The following PTPN7 variants were observed in gnomAD, a reference collection of about 807,000 sequenced individuals.
PTPN7 encodes the protein protein tyrosine phosphatase non-receptor type 7, also known as tyrosine-protein phosphatase non-receptor type 7.
PTPN7 carries 33 observed loss-of-function variants against 50.3 expected under a neutral mutation model. The observed-to-expected ratio is 0.66, with a 90% CI of 0.50 to 0.88. The LOEUF is 0.88. Among genes scored for constraint, PTPN7 ranks in the 40% least tolerant of loss-of-function variants. The pLI is 0.00. For synonymous variants in PTPN7, 185 were observed against 186.6 expected, an observed-to-expected ratio of 0.99 and a Z score of 0.07; for missense variants, 412 against 475.4, an observed-to-expected ratio of 0.87 and a Z score of 1.24.
chr1:202,155,821 G>A lies in PTPN7; in HGVS notation c.392-212C>T, dbSNP rs562723595. ...GTTGCCTAGGCTGGAGTGCAGTGGT[G>A]CGATCATAGCTCACTGTAACCTCTA... On this transcript the variant is annotated intron_variant, in intron 4 of 9. Coordinates refer to ENST00000691036, the MANE Select transcript of PTPN7 (RefSeq NM_002832.4). Among the ~76,000 whole-genome samples the A allele has an allele frequency of 4.6e-5, 7 of 152,294 alleles. No individual in the cohort carries two copies. The South Asian group carries it at 1.4e-3, about 32-fold the overall frequency.
At chr1:202,148,846 A>ACT in intron 9 of PTPN7, 147 bp from the exon 10 acceptor site, 1 of 208,376 alleles carries the variant, frequency 4.8e-6, no homozygotes, top group South Asian at 1.8e-4. Context: ...TCATCTTTTC[A>ACT]CTTTTTTTTT....
upstream of PTPN7, chr1:202,160,973 G>A (rs72746639): frequency 5.1e-3 from 7,254 of 1,425,466 alleles, 30 homozygotes; most frequent in Non-Finnish European, 5.6e-3. The surrounding 1 kb of genome is among the most constrained non-coding windows in gnomAD (Gnocchi z 4.8). Flanking sequence ...GACCTTGGCC[G>A]GAGGCTTATT....
Position 202,148,698 on chromosome 1 carries a change from C to G in PTPN7, c.991G>C (p.Gly331Arg), listed in dbSNP as rs1223365086. 6.2e-7 allele frequency: 1 copy of G among 1,613,508 alleles called. No homozygotes were observed. The highest frequency in any genetic ancestry group is 8.5e-7 in the Non-Finnish European group (1 of 1,179,652). The change falls in exon 10 of 10, where the codon GGG becomes CGG. Residue 331 changes from glycine (G) to arginine (R), a missense_variant and splice_region_variant. By Grantham distance (125) the Gly-to-Arg change is moderately radical. Transcript: ENST00000691036. ...GIVCQLRLDR[G>R]GMIQTAEQYQ... is the part of the protein sequence containing the mutation. ...TGCTCTGCCGTCTGGATCATCCCCC[C>G]TCTGCAAGGAGAAACACACAGACCA... is the stretch of plus-strand genomic sequence containing the variant.
In PTPN7 at chr1:202,160,445, C is replaced by T; in HGVS notation, c.-53+100G>A. The T allele has an allele frequency of 1.6e-6, 2 of 1,258,292 alleles. No individual in the cohort carries two copies. The highest frequency in any genetic ancestry group is 1.4e-5 in the South Asian group (1 of 69,084). The allele number at this position is 1,258,292 out of a possible 1,614,324, so 77.9% of individuals were successfully genotyped here. A position where few individuals can be genotyped will look rare whatever the true frequency, so the allele number is the denominator to read the frequency against. On this transcript the variant is annotated intron_variant, in intron 1 of 9. Coordinates refer to ENST00000691036, the MANE Select transcript of PTPN7 (RefSeq NM_002832.4). The surrounding 1 kb of genome is among the most constrained non-coding windows in gnomAD (Gnocchi z 4.8). ...CCCAGCCAGGCACTGTGGCGCCCCA[C>T]TCGCCCTCCCGCACTCCCTCCTAGA...
At position 202,153,711 on chromosome 1, in the gene PTPN7, C is replaced by CG. The variant is rs746345069; in HGVS notation, c.717+13dup. On this transcript the variant is annotated intron_variant, in intron 7 of 9. Transcript: ENST00000691036. ...CCCAACTTCCCACTGGGCCTGGCTC[C>CG]GGGGGGGTGGTACCTGGATGGTGAG... 9.8e-5 allele frequency: 157 copies of CG among 1,605,684 alleles called. No individual in the cohort carries two copies. Among genetic ancestry groups the CG allele is most frequent in the Middle Eastern group, 5.0e-4 (3 of 5,994 alleles).
intron 2 of PTPN7, chr1:202,158,533 GTT>G (rs200053967): frequency 1.2e-3 from 431 of 362,288 alleles, no homozygotes; most frequent in South Asian, 1.6e-3. Flanking sequence ...GCTAATTTAA[GTT>G]TTTTTTTTTT....
In PTPN7 at chr1:202,160,522, C is replaced by T; in HGVS notation, c.-53+23G>A. ...GCACCCCCCGGGGCCACAGGACTCCCAGTCCCCCCTTCAGATACTTACTGA... is the reference window on the plus strand; with the variant it reads ...GCACCCCCCGGGGCCACAGGACTCCTAGTCCCCCCTTCAGATACTTACTGA... On this transcript the variant is annotated intron_variant, in intron 1 of 9. Coordinates refer to ENST00000691036, the MANE Select transcript of PTPN7 (RefSeq NM_002832.4). This position sits in a 1 kb window ranked among gnomAD's most constrained non-coding sequence, Gnocchi z 4.8. 6.5e-7 allele frequency: 1 copy of T among 1,535,706 alleles called. No individual in the cohort carries two copies. The highest frequency in any genetic ancestry group is 8.8e-7 in the Non-Finnish European group (1 of 1,135,622).
In PTPN7 at chr1:202,154,940, T is replaced by C. The variant is rs940396121; in HGVS notation, c.468+593A>G. On this transcript the variant is annotated intron_variant, in intron 5 of 9. Transcript: ENST00000691036. Reference sequence around the variant, plus strand: ...GCAAATGTAAGATCATGTTTCCCCATGGCTTCCCTAGCTAAGAGCTTTTCG... The same window carrying C: ...GCAAATGTAAGATCATGTTTCCCCACGGCTTCCCTAGCTAAGAGCTTTTCG... Among the ~76,000 whole-genome samples the C allele has an allele frequency of 2.6e-5, 4 of 152,232 alleles. No individual in the cohort carries two copies. In the South Asian group the frequency reaches 6.2e-4, roughly 24 times the overall value.
chr1:202,148,617 G>C lies in PTPN7; in HGVS notation c.1072C>G (p.Pro358Ala), dbSNP rs201036614. The C allele has an allele frequency of 5.0e-6, 8 of 1,613,930 alleles. No homozygotes were observed. The highest frequency in any genetic ancestry group is 5.9e-6 in the Non-Finnish European group (7 of 1,179,920). Residue 358 changes from proline to alanine, a missense_variant, in exon 10 of 10, where the codon CCC becomes GCC. Coordinates refer to ENST00000691036, the MANE Select transcript of PTPN7 (RefSeq NM_002832.4). ...GAGGGTGGCAGGGGTCAGGGGCTGG[G>C]TTCCTCAGGCAGCTGGCCTGCATAC... Reference protein sequence around the residue: ...ALYAGQLPEEPSP With the variant: ...ALYAGQLPEEASP
In PTPN7 at chr1:202,147,291, C is replaced by T. The variant is rs773156614; in HGVS notation, c.*1315G>A. The stretch of plus-strand genomic sequence containing the variant: ...CCCCAAGGCTGTAAGGAAGGAGCAG[C>T]TCCTCCATAAGGCCAAGCAGAAGCA... On this transcript the variant is annotated 3_prime_UTR_variant, in exon 10 of 10. Coordinates refer to ENST00000691036, the MANE Select transcript of PTPN7 (RefSeq NM_002832.4). The T allele has an allele frequency of 2.0e-5, 3 of 152,074 alleles. No homozygotes were observed. The highest frequency in any genetic ancestry group is 2.9e-5 in the Non-Finnish European group (2 of 68,096). 9.4% of individuals were successfully genotyped at this position (152,074 alleles called of 1,614,324 possible).
rs895216722 is a variant in PTPN7, at chr1:202,160,310, G to C, written c.-53+235C>G. Among the ~76,000 whole-genome samples the C allele has an allele frequency of 1.3e-5, 2 of 152,112 alleles. No individual in the cohort carries two copies. Among genetic ancestry groups the C allele is most frequent in the Admixed American group, 1.3e-4 (2 of 15,282 alleles). ...GGCACAGGTGTGAGTGGTAGAGCGAGGGTCTCTGGTAGCAGAAAAGGTCCC... is the reference window on the plus strand; with the variant it reads ...GGCACAGGTGTGAGTGGTAGAGCGACGGTCTCTGGTAGCAGAAAAGGTCCC... On this transcript the variant is annotated intron_variant, in intron 1 of 9. Transcript: ENST00000691036. This position sits in a 1 kb window ranked among gnomAD's most constrained non-coding sequence, Gnocchi z 4.8.
At chr1:202,149,437 A>T (rs1157426708) in intron 9 of PTPN7, among the ~76,000 whole-genome samples, 1 of 152,202 alleles carries the variant, frequency 6.6e-6, no homozygotes, top group Non-Finnish European at 1.5e-5. Context: ...AAACATTTTC[A>T]TATAAGTTAA....
At position 202,159,547 on chromosome 1, in the gene PTPN7, A is replaced by T; in HGVS notation, c.-52-93T>A. The T allele has an allele frequency of 6.6e-7, 1 of 1,518,422 alleles. No homozygotes were observed. Among genetic ancestry groups the T allele is most frequent in the South Asian group, 1.3e-5 (1 of 78,480 alleles). The allele number at this position is 1,518,422 out of a possible 1,614,324, so 94.1% of individuals were successfully genotyped here. ...CAGGCCAGGTTTGCACTCTGTTTTC[A>T]CTGGGGCGTCTTCTGTTCCCCAAGA... On this transcript the variant is annotated intron_variant, in intron 1 of 9. Transcript: ENST00000691036. This position sits in a 1 kb window ranked among gnomAD's most constrained non-coding sequence, Gnocchi z 4.6.
In PTPN7 at chr1:202,152,547, G is replaced by A. The variant is rs143448119; in HGVS notation, c.870C>T (p.His290=). 14 of 1,612,396 alleles carry A rather than the reference G, an allele frequency of 8.7e-6. No homozygotes were observed. The African/African-American group carries it at 1.9e-4, about 22-fold the overall frequency. Reference sequence around the variant, plus strand: ...GTGAAGGGAGGGCCACGCACCTGCAGTGGACTACGATAGGCCCGGGGTGGG... The same window carrying A: ...GTGAAGGGAGGGCCACGCACCTGCAATGGACTACGATAGGCCCGGGGTGGG... ...TAAHPGPIVV[H]CSAGIGRTGC... Residue 290 remains histidine (H), a synonymous_variant, in exon 8 of 10, where the codon CAC becomes CAT. Coordinates refer to ENST00000691036, the MANE Select transcript of PTPN7 (RefSeq NM_002832.4).
chr1:202,154,283 C>T lies in PTPN7; in HGVS notation c.509G>A (p.Gly170Asp). 1.2e-6 allele frequency: 2 copies of T among 1,614,008 alleles called. No homozygotes were observed. The highest frequency in any genetic ancestry group is 1.7e-6 in the Non-Finnish European group (2 of 1,179,982). Residue 170 changes from glycine to aspartate, a missense_variant, in exon 6 of 10, where the codon GGC becomes GAC. By Grantham distance (94) the Gly-to-Asp change is moderately conservative. Coordinates refer to ENST00000691036, the MANE Select transcript of PTPN7 (RefSeq NM_002832.4). ...GKEKVYIATQ[G>D]PMPNTVSDFW... ...GTCCGACACAGTGTTGGGCATGGGG[C>T]CCTGGGTGGCAATGTAGACCTTCTC...
chr1:202,148,605 G>A lies in PTPN7; in HGVS notation c.*1C>T, dbSNP rs1655576799. On this transcript the variant is annotated 3_prime_UTR_variant, in exon 10 of 10. Transcript: ENST00000691036. The stretch of plus-strand genomic sequence containing the variant: ...CCTGGGCCACCGGAGGGTGGCAGGG[G>A]TCAGGGGCTGGGTTCCTCAGGCAGC... 1 of 1,613,702 alleles carries A rather than the reference G, an allele frequency of 6.2e-7. No homozygotes were observed. Among genetic ancestry groups the A allele is most frequent in the Non-Finnish European group, 8.5e-7 (1 of 1,179,762 alleles).
Position 202,159,963 on chromosome 1 carries a change from T to C in PTPN7, c.-52-509A>G. On this transcript the variant is annotated intron_variant, in intron 1 of 9. Transcript: ENST00000691036. This position sits in a 1 kb window ranked among gnomAD's most constrained non-coding sequence, Gnocchi z 4.6. ...CCCAGCAGGGTCCTCTCCTAACTGC[T>C]GCTGTTCCACTCCCAGGTCTGTTTC... 4 of 1,001,948 alleles carry C rather than the reference T, an allele frequency of 4.0e-6. No individual in the cohort carries two copies. The highest frequency in any genetic ancestry group is 4.8e-6 in the Non-Finnish European group (4 of 840,424). The allele number at this position is 1,001,948 out of a possible 1,614,324, so 62.1% of individuals were successfully genotyped here. A position where few individuals can be genotyped will look rare whatever the true frequency, so the allele number is the denominator to read the frequency against.
chr1:202,158,053 T>A (rs561913052), intron 3 of PTPN7, 65 bp downstream of exon 3: 1 of 1,488,796 alleles, frequency 6.7e-7, no homozygotes, highest in Non-Finnish European at 9.0e-7. Context: ...CGTGAGAGAA[T>A]GGTTCCAGCT....
At chr1:202,154,923 A>G (rs1656479462) in intron 5 of PTPN7, among the ~76,000 whole-genome samples, 1 of 152,190 alleles carries the variant, frequency 6.6e-6, no homozygotes. Flanking sequence ...CGGCAAATGT[A>G]AGATCATGTT....
Sources: allele counts gnomAD v4.1 joint callset (sites outside exome capture counted in the v4.1 genomes callset), GRCh38; gene constraint gnomAD v4.1.1; non-coding constraint Gnocchi (gnomAD v3.1); transcripts MANE v1.5; gene names NCBI Gene and HGNC (gene_info 2026-07-23, HGNC 2026-07-21).